WDFY3: variants seen among roughly 807,000 people sequenced by gnomAD.
WDFY3 encodes WD repeat and FYVE domain containing 3.
A neutral mutation model predicts 409.6 loss-of-function variants in WDFY3; 66 were observed. That is an observed-to-expected ratio of 0.16 (90% CI 0.13 to 0.20). The LOEUF is 0.20. Among genes scored for constraint, WDFY3 ranks in the 10% least tolerant of loss-of-function variants. The pLI is 1.00. For synonymous variants in WDFY3, 1,521 were observed against 1,537.1 expected (o/e 0.99, Z 0.25); for missense variants, 3,031 against 4,298.1 (o/e 0.71, Z 8.24).
intron 36 of WDFY3, among the ~76,000 whole-genome samples, chr4:84,746,708 C>T (rs1739511844): frequency 6.6e-6 from 1 of 151,962 alleles, no homozygotes; most frequent in Non-Finnish European, 1.5e-5. Context: ...ATTATTGTCT[C>T]GGAGGTGTTC....
intron 66 of WDFY3, among the ~76,000 whole-genome samples, 156 bp downstream of exon 66, chr4:84,678,012 A>T (rs1726643648): frequency 6.6e-6 from 1 of 151,372 alleles, no homozygotes; most frequent in African/African-American, 2.4e-5. Context: ...AAATATCCAC[A>T]CACTAACAGG....
intron 2 of WDFY3, among the ~76,000 whole-genome samples, chr4:84,899,135 A>C (rs999905912): frequency 1.3e-5 from 2 of 152,234 alleles, no homozygotes; most frequent in African/African-American, 4.8e-5. Context: ...CTTTGCTCCT[A>C]ATACATACCT....
Position 84,688,161 on chromosome 4 carries a change from C to T in WDFY3, c.9468G>A (p.Leu3156=), listed in dbSNP as rs1337916945. The T allele has an allele frequency of 3.1e-6, 5 of 1,614,116 alleles. No individual in the cohort carries two copies. In the South Asian group the frequency reaches 5.5e-5, roughly 18 times the overall value. ...GCTGGGTTAGAAATGACAGTTTGTT[C>T]AAATCCCAAATGATACAGGTTCGAT... ...SRDRTCIIWD[L]NKLSFLTQLR... Residue 3156 remains leucine, a synonymous_variant, in exon 62 of 68, where the codon TTG becomes TTA. Coordinates refer to ENST00000295888, the MANE Select transcript of WDFY3 (RefSeq NM_014991.6).
At chr4:84,753,989 A>T (rs912021277) in intron 34 of WDFY3, 113 bp from the exon 35 acceptor site, 1 of 1,189,538 alleles carries the variant, frequency 8.4e-7, no homozygotes, top group South Asian at 2.3e-5. Flanking sequence ...TTGATGGTCC[A>T]GAACTCTGTA....
At chr4:84,961,161 G>A (rs957727774) in intron 1 of WDFY3, among the ~76,000 whole-genome samples, 3 of 150,442 alleles carry the variant, frequency 2.0e-5, no homozygotes, top group Non-Finnish European at 4.4e-5. Flanking sequence ...GCTGCAGTGA[G>A]CTGAGATCAT....
At chr4:84,748,185 G>A (rs908729862) in intron 36 of WDFY3, among the ~76,000 whole-genome samples, 2 of 152,308 alleles carry the variant, frequency 1.3e-5, no homozygotes, top group Non-Finnish European at 2.9e-5. Flanking sequence ...GCTAGGAGAA[G>A]AGTCTCCAGG....
chr4:84,908,667 G>C (rs1398555694), intron 2 of WDFY3, among the ~76,000 whole-genome samples: 1 of 152,136 alleles, frequency 6.6e-6, no homozygotes. Context: ...TTTATTGCTA[G>C]TATGAAGTAT....
chr4:84,817,675 G>C, intron 12 of WDFY3, 90 bp from the exon 13 acceptor site: 1 of 1,165,812 alleles, frequency 8.6e-7, no homozygotes, highest in Non-Finnish European at 1.2e-6. Context: ...TTTTTTGTAG[G>C]TAAAGTAACT....
intron 45 of WDFY3, 123 bp downstream of exon 45, chr4:84,726,735 GGAA>G: frequency 1.3e-6 from 1 of 788,350 alleles, no homozygotes. Flanking sequence ...GGAACTTATA[GGAA>G]GAACAAATTG....
intron 1 of WDFY3, among the ~76,000 whole-genome samples, chr4:84,955,208 A>T (rs943640351): frequency 6.6e-6 from 1 of 151,912 alleles, no homozygotes; most frequent in Non-Finnish European, 1.5e-5. Flanking sequence ...GTCTCAAAAA[A>T]AAAAAAACAA....
chr4:84,744,601 C>T (rs1370455618), intron 36 of WDFY3, among the ~76,000 whole-genome samples: 1 of 151,814 alleles, frequency 6.6e-6, no homozygotes, highest in Non-Finnish European at 1.5e-5. Flanking sequence ...CGCCTGTAAT[C>T]CCAGCACTTT....
chr4:84,805,072 AAC>A (rs1578601418), intron 15 of WDFY3, among the ~76,000 whole-genome samples: 1 of 152,178 alleles, frequency 6.6e-6, no homozygotes, highest in Admixed American at 6.5e-5. Flanking sequence ...TCAGAGTCAA[AAC>A]ACAGTCAAAA....
chr4:84,877,735 T>C (rs1162102428), intron 3 of WDFY3, among the ~76,000 whole-genome samples: 1 of 152,184 alleles, frequency 6.6e-6, no homozygotes, highest in Non-Finnish European at 1.5e-5. Context: ...CACCAGACAA[T>C]GTAAGATTAT....
intron 4 of WDFY3, among the ~76,000 whole-genome samples, chr4:84,858,621 T>C (rs1760100136): frequency 6.6e-6 from 1 of 151,944 alleles, no homozygotes; most frequent in African/African-American, 2.4e-5. Flanking sequence ...ATACAAGTTT[T>C]CAGATTAAGA....
intron 4 of WDFY3, among the ~76,000 whole-genome samples, chr4:84,853,365 G>T (rs994139596): frequency 2.0e-5 from 3 of 150,464 alleles, no homozygotes; most frequent in Non-Finnish European, 3.0e-5. Flanking sequence ...GTAGAGATGG[G>T]GTTTCACCAT....
chr4:84,810,072 T>A lies in WDFY3; in HGVS notation c.2160A>T (p.Arg720=). ...TTAGGTCTGAGAAGCAGCCAAGAAA[T>A]CGAACAGCATCTGCCAACTTCTCAT... ...IQYEKLADAV[R]FLGCFSDLRK... The change falls in exon 14 of 68, where the codon CGA becomes CGT. Residue 720 remains arginine (R), a synonymous_variant. Coordinates refer to ENST00000295888, the MANE Select transcript of WDFY3 (RefSeq NM_014991.6). 1 of 1,614,144 alleles carries A rather than the reference T, an allele frequency of 6.2e-7. No individual in the cohort carries two copies. The highest frequency in any genetic ancestry group is 8.5e-7 in the Non-Finnish European group (1 of 1,179,992).
intron 5 of WDFY3, among the ~76,000 whole-genome samples, chr4:84,845,434 T>C (rs536339082): frequency 6.6e-6 from 1 of 151,814 alleles, no homozygotes; most frequent in Admixed American, 6.6e-5. Context: ...GAGGGGGAAA[T>C]GAGGAGTTGC....
intron 2 of WDFY3, among the ~76,000 whole-genome samples, chr4:84,909,741 C>T (rs1767519461): frequency 6.6e-6 from 1 of 151,966 alleles, no homozygotes; most frequent in South Asian, 2.1e-4. Context: ...TACTAGATTA[C>T]GTGACTTATT....
chr4:84,809,805 G>T, intron 14 of WDFY3, 82 bp downstream of exon 14: 2 of 1,255,284 alleles, frequency 1.6e-6, no homozygotes, highest in Admixed American at 2.4e-5. Context: ...TATTCTTTTG[G>T]ATTAACTCAT....
Sources: gnomAD v4.1 joint callset for allele counts (sites outside exome capture counted in the v4.1 genomes callset) on GRCh38, gnomAD v4.1.1 for gene constraint, MANE v1.5 for transcripts, NCBI Gene and HGNC (gene_info 2026-07-23, HGNC 2026-07-21) for gene names.